The following NUP62 variants were observed in gnomAD, a reference collection of about 807,000 sequenced individuals.
NUP62 encodes the protein nucleoporin 62.
For synonymous variants in NUP62, 305 were observed against 303.4 expected (o/e 1.01, Z -0.05); for missense variants, 647 against 689.4 (o/e 0.94, Z 0.69).
intron 2 of NUP62, chr19:49,917,489 A>T (rs1250188719): frequency 6.6e-6 from 1 of 152,182 alleles, no homozygotes; most frequent in Non-Finnish European, 1.5e-5. Context: ...CACCTTCCTA[A>T]GTGGACCTTA....
chr19:49,915,491 C>T (rs891248345), intron 2 of NUP62, among the ~76,000 whole-genome samples: 1 of 152,230 alleles, frequency 6.6e-6, no homozygotes, highest in African/African-American at 2.4e-5. Flanking sequence ...GAACTACACA[C>T]CATGCACCCA....
intron 2 of NUP62, among the ~76,000 whole-genome samples, chr19:49,919,484 C>T (rs767407920): frequency 2.0e-5 from 3 of 152,184 alleles, no homozygotes; most frequent in Non-Finnish European, 2.9e-5. Flanking sequence ...TCAGAGGGGG[C>T]GACTTGCCCA....
intron 2 of NUP62, among the ~76,000 whole-genome samples, chr19:49,917,057 C>T (rs569458629): frequency 6.6e-6 from 1 of 152,380 alleles, no homozygotes; most frequent in Admixed American, 6.5e-5. Flanking sequence ...CGTGGGACCT[C>T]CCCTTTCCCC....
At chr19:49,923,285 C>A (rs759760022) in intron 2 of NUP62, among the ~76,000 whole-genome samples, 1 of 152,190 alleles carries the variant, frequency 6.6e-6, no homozygotes, top group Non-Finnish European at 1.5e-5. Flanking sequence ...CCCTGGCCTG[C>A]GTGACCCAGT....
Position 49,908,800 on chromosome 19 carries a change from C to G in NUP62, c.1008G>C (p.Leu336=). 1 of 1,613,696 alleles carries G rather than the reference C, an allele frequency of 6.2e-7. No homozygotes were observed. The highest frequency in any genetic ancestry group is 8.5e-7 in the Non-Finnish European group (1 of 1,180,046). ...CTAGCTCCAGGCTCCATTTGTTGAT[C>G]AGGCTCTCCAGCTGCGCGTAGGTCA... is the stretch of plus-strand genomic sequence containing the variant. ...SAMTYAQLES[L]INKWSLELED... The change falls in exon 3 of 3, where the codon CTG becomes CTC. Residue 336 remains leucine, a synonymous_variant. Coordinates refer to ENST00000352066, the MANE Select transcript of NUP62 (RefSeq NM_016553.5).
intron 2 of NUP62, among the ~76,000 whole-genome samples, chr19:49,922,532 G>C (rs553479544): frequency 2.7e-4 from 41 of 152,014 alleles, no homozygotes; most frequent in African/African-American, 9.2e-4. Context: ...AATCCTCGGA[G>C]ACTCTTGGAA....
intron 2 of NUP62, among the ~76,000 whole-genome samples, chr19:49,915,424 G>A (rs60939690): frequency 6.7e-4 from 102 of 152,270 alleles, no homozygotes; most frequent in African/African-American, 2.2e-3. Flanking sequence ...GAACACAGGC[G>A]GCTTCGGCCT....
chr19:49,913,807 C>T (rs1057047415), intron 2 of NUP62, among the ~76,000 whole-genome samples: 10 of 152,126 alleles, frequency 6.6e-5, no homozygotes, highest in Non-Finnish European at 1.2e-4. Context: ...ACGTGACAGG[C>T]GGGAGAATCT....
At position 49,921,348 on chromosome 19, in the gene NUP62, TC is replaced by T. The variant is rs1161948581; in HGVS notation, c.-78+6345del. Among the ~76,000 whole-genome samples the T allele has an allele frequency of 6.6e-6, 1 of 151,866 alleles. No homozygotes were observed. Among genetic ancestry groups the T allele is most frequent in the Non-Finnish European group, 1.5e-5 (1 of 67,972 alleles). On this transcript the variant is annotated intron_variant, in intron 2 of 2. Transcript: ENST00000352066. This position sits in a 1 kb window ranked among gnomAD's most constrained non-coding sequence, Gnocchi z 5.4. Reference sequence around the variant, plus strand: ...TCTCCAAAACATGGTCTTTTTTTGCTCCCCACTGCCACCACCATCACCGTCC... The same window carrying T: ...TCTCCAAAACATGGTCTTTTTTTGCTCCCACTGCCACCACCATCACCGTCC...
At chr19:49,918,914 T>TG (rs1347873056) in intron 2 of NUP62, among the ~76,000 whole-genome samples, 21 of 31,420 alleles carry the variant, frequency 6.7e-4, no homozygotes, top group African/African-American at 8.9e-4. Context: ...GGGGGCGGGG[T>TG]GTGGGGGGGC....
rs148698131 is a variant in NUP62 at position 49,909,560 on chromosome 19, G to A, written c.248C>T (p.Ser83Leu). 8.7e-6 allele frequency: 14 copies of A among 1,614,044 alleles called. No individual in the cohort carries two copies. The highest frequency in any genetic ancestry group is 6.7e-5 in the African/African-American group (5 of 74,918). ...CCCCAAAGAAAATCCAGTTCCCCCC[G>A]AAGCAAGAGTCGCTGTTCCAAAAGT... The part of the protein sequence containing the change: ...GFTFGTATLA[S>L]GGTGFSLGIG... Residue 83 changes from serine to leucine, a missense_variant, in exon 3 of 3, where the codon TCG (serine) becomes TTG (leucine). Ser to Leu is a moderately radical substitution (Grantham distance 145). Transcript: ENST00000352066.
intron 2 of NUP62, chr19:49,912,859 C>T (rs1428763402): frequency 6.6e-6 from 1 of 152,164 alleles, no homozygotes; most frequent in South Asian, 2.1e-4. Context: ...GAGTGAGACC[C>T]CATCTAAAAA....
At chr19:49,927,058 A>C (rs1189378748) in intron 2 of NUP62, among the ~76,000 whole-genome samples, 2 of 152,038 alleles carry the variant, frequency 1.3e-5, no homozygotes, top group African/African-American at 4.8e-5. Flanking sequence ...ACAGGGTTTC[A>C]CCATGTTGCC....
chr19:49,910,337 TCA>T (rs1339482360), intron 2 of NUP62, among the ~76,000 whole-genome samples: 1 of 151,956 alleles, frequency 6.6e-6, no homozygotes, highest in Non-Finnish European at 1.5e-5. Context: ...TCTCTGGACC[TCA>T]GAGAGAGAGA....
At chr19:49,916,662 G>C (rs1017935609) in intron 2 of NUP62, among the ~76,000 whole-genome samples, 1 of 151,900 alleles carries the variant, frequency 6.6e-6, no homozygotes, top group Non-Finnish European at 1.5e-5. Flanking sequence ...TACTCGGGAG[G>C]CTGAGGCAGG....
chr19:49,926,321 G>C (rs1429902204), intron 2 of NUP62, among the ~76,000 whole-genome samples: 1 of 151,466 alleles, frequency 6.6e-6, no homozygotes, highest in East Asian at 2.0e-4. Flanking sequence ...CCTGAAGTCA[G>C]GAGTTCAAGA....
At position 49,921,316 on chromosome 19, in the gene NUP62, C is replaced by G. The variant is rs2075760556; in HGVS notation, c.-78+6378G>C. 6.6e-6 allele frequency among the ~76,000 whole-genome samples: 1 copy of G among 152,142 alleles called. No individual in the cohort carries two copies. The highest frequency in any genetic ancestry group is 1.5e-5 in the Non-Finnish European group (1 of 68,018). On this transcript the variant is annotated intron_variant, in intron 2 of 2. Coordinates refer to ENST00000352066, the MANE Select transcript of NUP62 (RefSeq NM_016553.5). This position sits in a 1 kb window ranked among gnomAD's most constrained non-coding sequence, Gnocchi z 5.4. ...CCCCACAGCTGAGCTCCTAACCGCA[C>G]CGAGCCTCTCCAAAACATGGTCTTT...
chr19:49,914,840 A>G (rs1463902518), intron 2 of NUP62, among the ~76,000 whole-genome samples: 1 of 144,086 alleles, frequency 6.9e-6, no homozygotes, highest in South Asian at 2.2e-4. Context: ...CCCGGGTTCA[A>G]GCAATTCTCC....
chr19:49,909,488 G>C lies in NUP62; in HGVS notation c.320C>G (p.Ala107Gly). 6.2e-7 allele frequency: 1 copy of C among 1,614,194 alleles called. No individual in the cohort carries two copies. Among genetic ancestry groups the C allele is most frequent in the Non-Finnish European group, 8.5e-7 (1 of 1,180,042 alleles). Residue 107 changes from alanine to glycine, a missense_variant, in exon 3 of 3, where the codon GCC becomes GGC. Physicochemically the swap from Ala to Gly is moderately conservative, Grantham distance 60 (BLOSUM62 0). Transcript: ENST00000352066. ...CCCAAAGCCGCTGGGGTTTGCCATG[G>C]CTGGGGTGGCAGCTGTGTTGCTCAA... ...LNLSNTAATP[A>G]MANPSGFGLG...
Sources: gnomAD v4.1 joint callset for allele counts (sites outside exome capture counted in the v4.1 genomes callset) on GRCh38, gnomAD v4.1.1 for gene constraint, Gnocchi (gnomAD v3.1) non-coding constraint, MANE v1.5 for transcripts, NCBI Gene and HGNC (gene_info 2026-07-23, HGNC 2026-07-21) for gene names.